GPR137C: variants seen among roughly 807,000 people sequenced by gnomAD.
GPR137C encodes integral membrane protein GPR137C.
In GPR137C, 27 loss-of-function variants were observed where a neutral mutation model predicts 43.4. The ratio of observed to expected loss-of-function variants is 0.62; its 90% CI spans 0.46 to 0.86. The LOEUF (loss-of-function observed/expected upper bound fraction) is 0.86. Among genes scored for constraint, GPR137C ranks in the 40% least tolerant of loss-of-function variants. The pLI is 0.00. For missense variants in GPR137C, 522 were observed against 534.6 expected, an observed-to-expected ratio of 0.98 and a Z score of 0.23; for synonymous variants, 285 against 226.9, an observed-to-expected ratio of 1.26 and a Z score of -2.30.
chr14:52,598,192 T>A (rs1453419780), intron 1 of GPR137C, 80 bp from the exon 2 acceptor site: 2 of 546,274 alleles, frequency 3.7e-6, no homozygotes, highest in African/African-American at 3.9e-5. Flanking sequence ...GTGGTAGCAC[T>A]TTAAAACACA....
intron 3 of GPR137C, among the ~76,000 whole-genome samples, chr14:52,626,830 G>T (rs1480672376): frequency 6.6e-6 from 1 of 151,684 alleles, no homozygotes; most frequent in Non-Finnish European, 1.5e-5. Flanking sequence ...TAATCAACTG[G>T]AAAATAAAAT....
intron 4 of GPR137C, among the ~76,000 whole-genome samples, chr14:52,632,881 C>G (rs564086803): frequency 5.5e-4 from 84 of 152,200 alleles, no homozygotes; most frequent in African/African-American, 2.0e-3. Flanking sequence ...CATATGCTTC[C>G]TAAACATACA....
chr14:52,611,832 G>T, intron 3 of GPR137C: 1 of 590,380 alleles, frequency 1.7e-6, no homozygotes, highest in South Asian at 7.6e-5. Flanking sequence ...GTCCATAGTG[G>T]TGTTGCAAGG....
In GPR137C at chr14:52,608,441, A is replaced by G. The variant is rs567585946; in HGVS notation, c.717+8100A>G. ...TTGAACGTTTGATGGCACAATTTGC[A>G]TTTTTATATTGCCTGTCTCTTGGTA... On this transcript the variant is annotated intron_variant, in intron 3 of 6. Coordinates refer to ENST00000321662, the MANE Select transcript of GPR137C (RefSeq NM_001099652.2). Among the ~76,000 whole-genome samples the G allele has an allele frequency of 2.6e-5, 4 of 152,296 alleles. 1 individual carries two copies. In the South Asian group the frequency reaches 6.2e-4, roughly 24 times the overall value.
intron 3 of GPR137C, among the ~76,000 whole-genome samples, chr14:52,629,719 AATG>A (rs2039272726): frequency 1.3e-5 from 2 of 152,096 alleles, no homozygotes; most frequent in Admixed American, 6.6e-5. Flanking sequence ...AACTTTCTGG[AATG>A]ATGATGTTCT....
At chr14:52,558,024 A>G (rs1275831696) in intron 1 of GPR137C, among the ~76,000 whole-genome samples, 1 of 152,000 alleles carries the variant, frequency 6.6e-6, no homozygotes, top group Non-Finnish European at 1.5e-5. Flanking sequence ...GGCCTACCAG[A>G]GATTCAGAGA....
intron 1 of GPR137C, among the ~76,000 whole-genome samples, chr14:52,594,639 C>T (rs2038828717): frequency 6.6e-6 from 1 of 152,106 alleles, no homozygotes; most frequent in South Asian, 2.1e-4. Flanking sequence ...ATGATTGCAA[C>T]CCCTGCTTTT....
In GPR137C at chr14:52,612,534, C is replaced by T. The variant is rs1480006828; in HGVS notation, c.717+12193C>T. On this transcript the variant is annotated intron_variant, in intron 3 of 6. Transcript: ENST00000321662. Reference sequence around the variant, plus strand: ...TCCCAGCCTCAGTTTACAGAGCACTCACGTATCTTTTATGTTATGATTTGC... The same window carrying T: ...TCCCAGCCTCAGTTTACAGAGCACTTACGTATCTTTTATGTTATGATTTGC... 3.1e-6 allele frequency: 3 copies of T among 980,346 alleles called. No individual in the cohort carries two copies. The African/African-American group carries it at 5.3e-5, about 17-fold the overall frequency. 60.7% of individuals were successfully genotyped at this position (980,346 alleles called of 1,614,324 possible).
At chr14:52,574,678 G>T (rs899655797) in intron 1 of GPR137C, among the ~76,000 whole-genome samples, 2 of 152,110 alleles carry the variant, frequency 1.3e-5, no homozygotes, top group South Asian at 2.1e-4. Context: ...AAACTTGCAC[G>T]TTCTGCACGT....
chr14:52,564,274 CA>C (rs34302766), intron 1 of GPR137C, among the ~76,000 whole-genome samples: 1,400 of 93,198 alleles, frequency 0.015, 12 homozygotes, highest in Admixed American at 0.025. Flanking sequence ...GACTTCGTCT[CA>C]AAAAAAAAAA....
intron 1 of GPR137C, among the ~76,000 whole-genome samples, chr14:52,578,068 T>C (rs1455023638): frequency 6.6e-6 from 1 of 152,218 alleles, no homozygotes; most frequent in Non-Finnish European, 1.5e-5. Context: ...TTTTATTATG[T>C]ATATGTGACT....
chr14:52,591,844 A>G (rs763206142), intron 1 of GPR137C, among the ~76,000 whole-genome samples: 4 of 151,892 alleles, frequency 2.6e-5, no homozygotes. Context: ...TCCCATTTGT[A>G]TATTTTGGCT....
intron 3 of GPR137C, chr14:52,612,326 T>A (rs888934151): frequency 6.7e-6 from 6 of 893,412 alleles, no homozygotes; most frequent in African/African-American, 1.8e-5. Context: ...AAATTATTTT[T>A]AAGGCTGCAT....
intron 3 of GPR137C, chr14:52,611,694 A>G: frequency 2.4e-6 from 1 of 418,786 alleles, no homozygotes; most frequent in Non-Finnish European, 3.2e-6. Context: ...ACTACATAGT[A>G]CAAAGTAGTA....
chr14:52,573,521 T>C (rs570122138), intron 1 of GPR137C, among the ~76,000 whole-genome samples: 1 of 152,350 alleles, frequency 6.6e-6, no homozygotes, highest in African/African-American at 2.4e-5. Context: ...GCTAGCCATA[T>C]GCAGAACACT....
chr14:52,567,891 C>A (rs565101918), intron 1 of GPR137C, among the ~76,000 whole-genome samples: 245 of 152,212 alleles, frequency 1.6e-3, no homozygotes, highest in Non-Finnish European at 3.0e-3. Context: ...AACTTCTGAC[C>A]TCGTGATCTG....
At chr14:52,583,247 G>T (rs184764454) in intron 1 of GPR137C, among the ~76,000 whole-genome samples, 1 of 152,200 alleles carries the variant, frequency 6.6e-6, no homozygotes, top group Admixed American at 6.5e-5. Flanking sequence ...CTTAACAAAT[G>T]ATATATAATT....
Position 52,553,181 on chromosome 14 carries a change from G to T in GPR137C, c.34G>T (p.Ala12Ser). ...RVSVPGPAAAAAPAAGREPST... is the reference protein window; with the variant it reads ...RVSVPGPAAASAPAAGREPST... ...GTCCGTGCCGGGTCCGGCGGCCGCT[G>T]CCGCCCCCGCAGCCGGCCGCGAGCC... is the stretch of plus-strand genomic sequence containing the variant. The change falls in exon 1 of 7, where the codon GCC becomes TCC. Residue 12 changes from alanine (A) to serine (S), a missense_variant. Physicochemically the swap from Ala to Ser is moderately conservative, Grantham distance 99. Coordinates refer to ENST00000321662, the MANE Select transcript of GPR137C (RefSeq NM_001099652.2). 8.4e-7 allele frequency: 1 copy of T among 1,194,146 alleles called. No individual in the cohort carries two copies. Among genetic ancestry groups the T allele is most frequent in the Non-Finnish European group, 1.0e-6 (1 of 965,358 alleles). The allele number at this position is 1,194,146 out of a possible 1,614,324, so 74.0% of individuals were successfully genotyped here.
At chr14:52,591,757 T>C (rs928898068) in intron 1 of GPR137C, among the ~76,000 whole-genome samples, 9 of 152,226 alleles carry the variant, frequency 5.9e-5, no homozygotes, top group Admixed American at 2.0e-4. Flanking sequence ...TACAAAAATG[T>C]TCTCCCATTA....
Sources: allele counts gnomAD v4.1 joint callset (sites outside exome capture counted in the v4.1 genomes callset), GRCh38; gene constraint gnomAD v4.1.1; transcripts MANE v1.5; gene names NCBI Gene and HGNC (gene_info 2026-07-23, HGNC 2026-07-21).